The following FARP2 variants were observed in gnomAD, a reference collection of about 807,000 sequenced individuals.
FARP2 encodes the protein FERM, ARHGEF and pleckstrin domain-containing protein 2.
In FARP2, 111 loss-of-function variants were observed where a neutral mutation model predicts 130.5. The ratio of observed to expected loss-of-function variants is 0.85; its 90% CI spans 0.73 to 1.00. FARP2 has a LOEUF of 1.00. FARP2 is among the 50% of genes least tolerant of loss of function. FARP2 has a pLI of 0.00. For missense variants in FARP2, 1,385 were observed against 1,346.3 expected, an observed-to-expected ratio of 1.03 and a Z score of -0.45; for synonymous variants, 504 against 516.9, an observed-to-expected ratio of 0.98 and a Z score of 0.34.
chr2:241,447,830 G>T (rs1007757446), intron 13 of FARP2, among the ~76,000 whole-genome samples: 2 of 152,178 alleles, frequency 1.3e-5, no homozygotes, highest in African/African-American at 4.8e-5. Flanking sequence ...TTTGAGCCCT[G>T]TGAGGATAGG....
At chr2:241,359,072 G>C (rs1164302514) in intron 1 of FARP2, among the ~76,000 whole-genome samples, 1 of 152,124 alleles carries the variant, frequency 6.6e-6, no homozygotes, top group African/African-American at 2.4e-5. Flanking sequence ...GAACCATTTT[G>C]ATCCATGGAA....
Position 241,472,271 on chromosome 2 carries a change from T to C in FARP2, c.2132-3586T>C, listed in dbSNP as rs2064342039. Reference sequence around the variant, plus strand: ...CTGTGGGAACCCTGTTGTGAGGGGATTCTGTTCTGTGGTGATCCTGTTATG... The same window carrying C: ...CTGTGGGAACCCTGTTGTGAGGGGACTCTGTTCTGTGGTGATCCTGTTATG... On this transcript the variant is annotated intron_variant, in intron 18 of 26. Coordinates refer to ENST00000264042, the MANE Select transcript of FARP2 (RefSeq NM_014808.4). Among the ~76,000 whole-genome samples, 4 of 148,366 alleles carry C rather than the reference T, an allele frequency of 2.7e-5. No homozygotes were observed. The South Asian group carries it at 8.8e-4, about 33-fold the overall frequency.
At chr2:241,476,950 C>T (rs781174970) in intron 19 of FARP2, among the ~76,000 whole-genome samples, 2 of 152,060 alleles carry the variant, frequency 1.3e-5, no homozygotes, top group East Asian at 3.9e-4. Context: ...GGTGGGGATG[C>T]TGTTCTGTGG....
chr2:241,402,812 T>A (rs1335342180), intron 2 of FARP2, among the ~76,000 whole-genome samples: 2 of 118,140 alleles, frequency 1.7e-5, no homozygotes, highest in African/African-American at 3.3e-5. Flanking sequence ...GGACTACAGG[T>A]GCACGCCACT....
chr2:241,420,055 G>A (rs1022547288), intron 8 of FARP2, among the ~76,000 whole-genome samples: 1 of 152,198 alleles, frequency 6.6e-6, no homozygotes, highest in Non-Finnish European at 1.5e-5. Context: ...GGAGGCTGAG[G>A]TGGGAGAATC....
chr2:241,437,666 ATTTATTTT>A (rs1553723681), intron 12 of FARP2, among the ~76,000 whole-genome samples: 1 of 129,244 alleles, frequency 7.7e-6, no homozygotes, highest in African/African-American at 2.7e-5. Flanking sequence ...TTATTTATTT[ATTTATTTT>A]TTTTTTTTGA....
At chr2:241,476,967 C>T (rs1265206837) in intron 19 of FARP2, among the ~76,000 whole-genome samples, 3 of 152,064 alleles carry the variant, frequency 2.0e-5, no homozygotes, top group African/African-American at 7.2e-5. Context: ...GTGGGGACCT[C>T]GTTCTGCTCC....
At chr2:241,478,803 T>C (rs1334759219) in intron 19 of FARP2, 12 of 400,622 alleles carry the variant, frequency 3.0e-5, no homozygotes, top group South Asian at 2.5e-4. Flanking sequence ...ACACAGGTGG[T>C]GTCCACCATG....
chr2:241,431,622 T>G, intron 8 of FARP2, 57 bp from the exon 9 acceptor site: 9 of 861,956 alleles, frequency 1.0e-5, no homozygotes, highest in Non-Finnish European at 1.6e-5. Flanking sequence ...CCCTATTTCA[T>G]GAGAAAGGGG....
intron 1 of FARP2, among the ~76,000 whole-genome samples, chr2:241,365,548 T>C (rs959009614): frequency 3.3e-5 from 5 of 152,230 alleles, no homozygotes; most frequent in Non-Finnish European, 7.3e-5. Context: ...TCATACCTTA[T>C]AGATAACATG....
At chr2:241,441,249 A>G (rs2063374413) in intron 12 of FARP2, 55 bp from the exon 13 acceptor site, 8 of 1,510,042 alleles carry the variant, frequency 5.3e-6, no homozygotes, top group Non-Finnish European at 6.2e-6. Context: ...TGCAACTTCT[A>G]GTGGTAATTT....
intron 2 of FARP2, among the ~76,000 whole-genome samples, chr2:241,390,871 C>T (rs1311616561): frequency 1.3e-5 from 2 of 152,120 alleles, no homozygotes; most frequent in Non-Finnish European, 2.9e-5. Context: ...TTCTTAGTGT[C>T]TGTGTATTTT....
intron 3 of FARP2, among the ~76,000 whole-genome samples, chr2:241,404,255 T>C (rs984162599): frequency 6.6e-6 from 1 of 152,348 alleles, no homozygotes; most frequent in East Asian, 1.9e-4. Flanking sequence ...ACTTAATAGA[T>C]GCAACCTTAA....
chr2:241,415,130 G>C (rs1393864332), intron 7 of FARP2, among the ~76,000 whole-genome samples: 2 of 152,224 alleles, frequency 1.3e-5, no homozygotes, highest in Non-Finnish European at 2.9e-5. Flanking sequence ...GGGGCATCTT[G>C]TGTGTGTAAG....
Position 241,398,686 on chromosome 2 carries a change from C to T in FARP2, c.184-5142C>T, listed in dbSNP as rs1252178000. Among the ~76,000 whole-genome samples, 5 of 152,024 alleles carry T rather than the reference C, an allele frequency of 3.3e-5. No individual in the cohort carries two copies. The South Asian group carries it at 8.3e-4, about 25-fold the overall frequency. ...CCAGGTTCAGGCAACTCTCCTGCCT[C>T]AGCCTCCCAAGTAGCTGGGATTACA... On this transcript the variant is annotated intron_variant, in intron 2 of 26. Transcript: ENST00000264042.
Position 241,482,311 on chromosome 2 carries a change from G to A in FARP2, c.2263-1154G>A, listed in dbSNP as rs1165483216. Among the ~76,000 whole-genome samples, 2 of 152,170 alleles carry A rather than the reference G, an allele frequency of 1.3e-5. No homozygotes were observed. The highest frequency in any genetic ancestry group is 4.8e-5 in the African/African-American group (2 of 41,446). On this transcript the variant is annotated intron_variant, in intron 19 of 26. Coordinates refer to ENST00000264042, the MANE Select transcript of FARP2 (RefSeq NM_014808.4). The surrounding 1 kb of genome is among the most constrained non-coding windows in gnomAD (Gnocchi z 4.6). ...AGAAGGCGCCCCGTGGGTCTGGGAC[G>A]CACATCCTGTGAGGGAGCTCTGGAG...
intron 13 of FARP2, among the ~76,000 whole-genome samples, chr2:241,453,438 T>C (rs77726357): frequency 0.28 from 42,464 of 150,968 alleles, 6,169 homozygotes; most frequent in Middle Eastern, 0.39. Flanking sequence ...CTGGCTAACA[T>C]GGTGAAACCC....
At chr2:241,427,206 G>C (rs576965120) in intron 8 of FARP2, among the ~76,000 whole-genome samples, 2 of 152,226 alleles carry the variant, frequency 1.3e-5, no homozygotes, top group East Asian at 3.9e-4. Context: ...TTGCACTCCA[G>C]CCTGGGCAAC....
At chr2:241,485,973 A>G (rs1278744007) in intron 21 of FARP2, among the ~76,000 whole-genome samples, 1 of 152,214 alleles carries the variant, frequency 6.6e-6, no homozygotes, top group Non-Finnish European at 1.5e-5. Context: ...ATGAGCGCCA[A>G]AACCCTCAGG....
Sources: gnomAD v4.1 joint callset for allele counts (sites outside exome capture counted in the v4.1 genomes callset) on GRCh38, gnomAD v4.1.1 for gene constraint, Gnocchi (gnomAD v3.1) non-coding constraint, MANE v1.5 for transcripts, NCBI Gene and HGNC (gene_info 2026-07-23, HGNC 2026-07-21) for gene names.